Variants in RNF213 observed in about 807,000 individuals in gnomAD.
The protein encoded by RNF213 is ring finger protein 213, also known as E3 ubiquitin-protein ligase RNF213.
In RNF213, 341 loss-of-function variants were observed where a neutral mutation model predicts 514.4. That is an observed-to-expected ratio of 0.66 (90% CI 0.61 to 0.73). The LOEUF (loss-of-function observed/expected upper bound fraction) is 0.73, where lower values mean the gene tolerates loss of function less well. RNF213 is among the 30% of genes least tolerant of loss of function. RNF213 has a pLI of 0.00. For synonymous variants in RNF213, 2,655 were observed against 2,658.2 expected (o/e 1.00, Z 0.04); for missense variants, 5,767 against 6,615.6 (o/e 0.87, Z 4.45).
chr17:80,379,371 T>A (rs2079892947), intron 54 of RNF213: 3 of 524,044 alleles, frequency 5.7e-6, no homozygotes, highest in Non-Finnish European at 1.0e-5. Context: ...CTATAAAGTG[T>A]CACTCTGGGA....
chr17:80,319,596 C>A, intron 17 of RNF213: 1 of 1,562,378 alleles, frequency 6.4e-7, no homozygotes, highest in Non-Finnish European at 8.7e-7. Flanking sequence ...GGCTTGCAGG[C>A]CGTTCCTCAG....
chr17:80,270,587 C>G (rs1006386116), intron 2 of RNF213, among the ~76,000 whole-genome samples: 7 of 152,332 alleles, frequency 4.6e-5, no homozygotes, highest in Admixed American at 4.6e-4. Context: ...GGCCTCCGTT[C>G]TGATTTCCTT....
At chr17:80,282,120 G>A (rs2044324473) in intron 3 of RNF213, among the ~76,000 whole-genome samples, 1 of 152,162 alleles carries the variant, frequency 6.6e-6, no homozygotes, top group African/African-American at 2.4e-5. Flanking sequence ...ACCTCCCAAA[G>A]TATTGGGATA....
At chr17:80,313,709 G>C in intron 15 of RNF213, among the ~76,000 whole-genome samples, 1 of 149,438 alleles carries the variant, frequency 6.7e-6, no homozygotes, top group Non-Finnish European at 1.5e-5. Flanking sequence ...GGATGGTGGT[G>C]ATGGAGGTGG....
Position 80,332,324 on chromosome 17 carries a change from A to G in RNF213, c.3836A>G (p.Tyr1279Cys). 1.3e-6 allele frequency: 2 copies of G among 1,537,254 alleles called. No individual in the cohort carries two copies. The highest frequency in any genetic ancestry group is 1.2e-5 in the South Asian group (1 of 84,064). The change falls in exon 21 of 68, where the codon TAT (tyrosine) becomes TGT (cysteine). Residue 1279 changes from tyrosine to cysteine, a missense_variant. Transcript: ENST00000582970. ...CTTGAAGAGGTGTATGACTATTTGT[A>G]TCAGCCTTCTTACAGAAAGTTCATT... ...LELEEVYDYL[Y>C]QPSYRKFIKL...
chr17:80,345,817 T>C lies in RNF213; in HGVS notation c.7482T>C (p.Ala2494=), dbSNP rs2078291331. The part of the protein sequence containing the change: ...LFFDEANTTE[A]ISCIKEVLCD... ...TTGATGAAGCCAACACAACGGAAGC[T>C]ATAAGCTGTATCAAAGAAGTCCTGT... is the stretch of plus-strand genomic sequence containing the variant. The change falls in exon 29 of 68, where the codon GCT becomes GCC. Residue 2494 remains alanine (A), a synonymous_variant. Transcript: ENST00000582970. The surrounding 1 kb of genome is among the most constrained non-coding windows in gnomAD (Gnocchi z 6.0). 6.2e-7 allele frequency: 1 copy of C among 1,614,144 alleles called. No homozygotes were observed. Among genetic ancestry groups the C allele is most frequent in the Non-Finnish European group, 8.5e-7 (1 of 1,180,038 alleles).
rs550662132 is a variant in RNF213, at chr17:80,340,623, T to G, written c.5989+267T>G. ...TGTACTTTGTGGTTTTTTTTTTTTT[T>G]TTTTTTTTTTTTTTTGAGACAGAGT... is the stretch of plus-strand genomic sequence containing the variant. On this transcript the variant is annotated intron_variant, in intron 26 of 67. Transcript: ENST00000582970. 4 of 414,980 alleles carry G rather than the reference T, an allele frequency of 9.6e-6. No homozygotes were observed. The South Asian group carries it at 1.1e-4, about 11-fold the overall frequency. 25.7% of individuals were successfully genotyped at this position (414,980 alleles called of 1,614,324 possible).
chr17:80,349,955 CGTGT>C, intron 30 of RNF213, 49 bp downstream of exon 30: 1 of 1,610,496 alleles, frequency 6.2e-7, no homozygotes, highest in Non-Finnish European at 8.5e-7. Flanking sequence ...CAGCCGCAGC[CGTGT>C]GGCTTCTGCG....
chr17:80,290,492 T>C, intron 6 of RNF213, 78 bp from the exon 7 acceptor site: 1 of 1,536,744 alleles, frequency 6.5e-7, no homozygotes, highest in Non-Finnish European at 9.0e-7. Flanking sequence ...CGCACGTGTG[T>C]GTGTGCGCGT....
intron 15 of RNF213, among the ~76,000 whole-genome samples, chr17:80,313,982 G>A (rs2045710836): frequency 1.4e-5 from 1 of 71,130 alleles, no homozygotes. Flanking sequence ...TACTGGAGGT[G>A]ATGGTGGTGG....
intron 1 of RNF213, among the ~76,000 whole-genome samples, chr17:80,262,390 T>C (rs2043453720): frequency 6.6e-6 from 1 of 152,168 alleles, no homozygotes; most frequent in South Asian, 2.1e-4. Flanking sequence ...GATGTTTTTA[T>C]GGCATTGGGA....
intron 11 of RNF213, 118 bp from the exon 12 acceptor site, chr17:80,306,134 A>T: frequency 1.0e-6 from 1 of 977,322 alleles, no homozygotes; most frequent in Non-Finnish European, 1.6e-6. Context: ...GCCCTCAAGT[A>T]GTATTTAAAT....
At chr17:80,385,420 T>C (rs2080194993) in intron 60 of RNF213, 118 bp from the exon 61 acceptor site, 3 of 974,704 alleles carry the variant, frequency 3.1e-6, no homozygotes, top group African/African-American at 1.6e-5. Context: ...ACCTCAGACA[T>C]GCTTGTGACT....
At chr17:80,278,778 G>A (rs751499459) in intron 3 of RNF213, 1 of 1,537,180 alleles carries the variant, frequency 6.5e-7, no homozygotes, top group Non-Finnish European at 8.7e-7. Context: ...CTACATCAGA[G>A]GTTTTGGTAG....
chr17:80,347,423 C>G lies in RNF213; in HGVS notation c.9088C>G (p.Pro3030Ala). The stretch of plus-strand genomic sequence containing the variant: ...CATCTTTGGGCCTTCTCAGAAGGTG[C>G]CGGGTGGAGAGCAGGAAGATGCTGA... ...QNIFGPSQKV[P>A]GGEQEDAESR... Residue 3030 changes from proline to alanine, a missense_variant, in exon 29 of 68, where the codon CCG becomes GCG. Pro to Ala is a conservative substitution (Grantham distance 27). Coordinates refer to ENST00000582970, the MANE Select transcript of RNF213 (RefSeq NM_001256071.3). The surrounding 1 kb of genome is among the most constrained non-coding windows in gnomAD (Gnocchi z 7.2). 6.2e-7 allele frequency: 1 copy of G among 1,613,964 alleles called. No homozygotes were observed. The highest frequency in any genetic ancestry group is 8.5e-7 in the Non-Finnish European group (1 of 1,180,044).
rs1400997591 is a variant in RNF213, at chr17:80,398,151, ACTT to A, written c.*4654_*4656del. The stretch of plus-strand genomic sequence containing the variant: ...CACTCTGGTTTTTGTTTTTGACTTG[ACTT>A]GGATTGCTTGATACTTTGGTTTTGG... On this transcript the variant is annotated 3_prime_UTR_variant, in exon 68 of 68. Transcript: ENST00000582970. The A allele has an allele frequency of 2.6e-5, 4 of 151,374 alleles. No homozygotes were observed. Among genetic ancestry groups the A allele is most frequent in the Non-Finnish European group, 5.9e-5 (4 of 67,898 alleles). The allele number at this position is 151,374 out of a possible 1,614,324, so 9.4% of individuals were successfully genotyped here.
At chr17:80,358,929 T>TA (rs1219950679) in intron 37 of RNF213, among the ~76,000 whole-genome samples, 5 of 152,070 alleles carry the variant, frequency 3.3e-5, no homozygotes, top group Non-Finnish European at 4.4e-5. Flanking sequence ...ATAGGAAGTT[T>TA]ACGAAGCTCT....
At position 80,295,831 on chromosome 17, in the gene RNF213, C is replaced by A. The variant is rs375373386; in HGVS notation, c.2012+18C>A. The A allele has an allele frequency of 3.7e-6, 6 of 1,613,454 alleles. No individual in the cohort carries two copies. The highest frequency in any genetic ancestry group is 5.1e-6 in the Non-Finnish European group (6 of 1,179,740). ...CCTCAGAGGTATTATTATTTTTTGT[C>A]AAAATGTTTTTTATAGCTATTATAA... On this transcript the variant is annotated intron_variant, in intron 10 of 67. Coordinates refer to ENST00000582970, the MANE Select transcript of RNF213 (RefSeq NM_001256071.3).
chr17:80,354,712 TAA>T, intron 36 of RNF213, 136 bp downstream of exon 36: 1 of 1,178,492 alleles, frequency 8.5e-7, no homozygotes. Flanking sequence ...TTCAAAGCTG[TAA>T]AGTTTTTCCC....
Sources: allele counts gnomAD v4.1 joint callset (sites outside exome capture counted in the v4.1 genomes callset), GRCh38; gene constraint gnomAD v4.1.1; non-coding constraint Gnocchi (gnomAD v3.1); transcripts MANE v1.5; gene names NCBI Gene and HGNC (gene_info 2026-07-23, HGNC 2026-07-21).